Variants in TRAF3 observed in about 807,000 individuals in gnomAD.
The protein encoded by TRAF3 is TNF receptor-associated factor 3.
In TRAF3, 13 loss-of-function variants were observed where a neutral mutation model predicts 62.3. The ratio of observed to expected loss-of-function variants is 0.21; its 90% CI spans 0.14 to 0.33. The LOEUF is 0.33. Ranked by LOEUF, TRAF3 falls within the 10% of genes least tolerant of loss-of-function variation. TRAF3 has a pLI of 1.00. For missense variants in TRAF3, 440 were observed against 741.8 expected, an observed-to-expected ratio of 0.59 and a Z score of 4.73; for synonymous variants, 269 against 283.4, an observed-to-expected ratio of 0.95 and a Z score of 0.51.
chr14:102,804,694 C>T (rs962377326), intron 1 of TRAF3, among the ~76,000 whole-genome samples: 6 of 152,054 alleles, frequency 3.9e-5, no homozygotes, highest in African/African-American at 1.4e-4. Flanking sequence ...GCTATATCGC[C>T]CAGGCTGGTC....
chr14:102,863,811 T>C (rs1887816826), intron 2 of TRAF3, among the ~76,000 whole-genome samples: 1 of 152,240 alleles, frequency 6.6e-6, no homozygotes. Context: ...CTTTCCCTAG[T>C]AGATGCCTCA....
At position 102,867,158 on chromosome 14, in the gene TRAF3, T is replaced by C. The variant is rs557699543; in HGVS notation, c.-17-3027T>C. The stretch of plus-strand genomic sequence containing the variant: ...GGCACTCATTTACAAAACTGGCCTT[T>C]CGTACAACCTACACACCAGCGACTC... On this transcript the variant is annotated intron_variant, in intron 2 of 11. Transcript: ENST00000392745. Among the ~76,000 whole-genome samples the C allele has an allele frequency of 1.7e-3, 262 of 152,282 alleles. 1 individual carries two copies. The highest frequency in any genetic ancestry group is 6.2e-3 in the African/African-American group (257 of 41,542).
At chr14:102,887,465 C>G (rs1267354023) in intron 7 of TRAF3, among the ~76,000 whole-genome samples, 1 of 152,246 alleles carries the variant, frequency 6.6e-6, no homozygotes, top group Non-Finnish European at 1.5e-5. Context: ...AGGGCAAAGT[C>G]TTGCCTGATG....
chr14:102,894,357 T>G (rs1434845558), intron 9 of TRAF3, among the ~76,000 whole-genome samples: 1 of 152,086 alleles, frequency 6.6e-6, no homozygotes, highest in Non-Finnish European at 1.5e-5. Context: ...ACATTCATAG[T>G]CAAACTAAAG....
At chr14:102,794,002 AT>A (rs1259372319) in intron 1 of TRAF3, among the ~76,000 whole-genome samples, 1 of 152,036 alleles carries the variant, frequency 6.6e-6, no homozygotes, top group Non-Finnish European at 1.5e-5. Flanking sequence ...CCGTACACAC[AT>A]GCTTGGATGG....
Position 102,848,338 on chromosome 14 carries a change from C to T in TRAF3, c.-18+17866C>T, listed in dbSNP as rs574883896. The stretch of plus-strand genomic sequence containing the variant: ...CAGCTACATGGGAGGCTGAGGCAGG[C>T]GGATCACTTGAGCCCAGGAGTTCCA... On this transcript the variant is annotated intron_variant, in intron 2 of 11. Coordinates refer to ENST00000392745, the MANE Select transcript of TRAF3 (RefSeq NM_145725.3). Among the ~76,000 whole-genome samples the T allele has an allele frequency of 2.1e-4, 32 of 152,172 alleles. No individual in the cohort carries two copies. The South Asian group carries it at 6.2e-3, about 30-fold the overall frequency.
At chr14:102,795,180 C>G (rs1302629211) in intron 1 of TRAF3, among the ~76,000 whole-genome samples, 9 of 152,162 alleles carry the variant, frequency 5.9e-5, no homozygotes, top group East Asian at 1.9e-4. Context: ...TGGATGTGCT[C>G]TCACATAGAA....
intron 2 of TRAF3, among the ~76,000 whole-genome samples, chr14:102,843,743 G>A (rs1450318116): frequency 6.6e-6 from 1 of 152,172 alleles, no homozygotes; most frequent in Non-Finnish European, 1.5e-5. Context: ...GGGAGTTTGA[G>A]GCTACAGTGA....
intron 1 of TRAF3, among the ~76,000 whole-genome samples, chr14:102,781,544 C>T (rs2140050763): frequency 6.6e-6 from 1 of 152,254 alleles, no homozygotes; most frequent in South Asian, 2.1e-4. Flanking sequence ...CCTGTGGTCC[C>T]AGTTACTCCA....
chr14:102,809,529 C>CTT (rs60882875), intron 1 of TRAF3, among the ~76,000 whole-genome samples: 81 of 114,892 alleles, frequency 7.1e-4, no homozygotes, highest in Non-Finnish European at 1.0e-3. Flanking sequence ...ACAGCATAGA[C>CTT]TTTTTTTTTT....
chr14:102,862,139 T>C (rs1203912315), intron 2 of TRAF3, among the ~76,000 whole-genome samples: 3 of 152,242 alleles, frequency 2.0e-5, no homozygotes. Flanking sequence ...TTCAGGGTCA[T>C]TAAAGATTTA....
chr14:102,779,631 C>T (rs1027796531), intron 1 of TRAF3, among the ~76,000 whole-genome samples: 1 of 152,186 alleles, frequency 6.6e-6, no homozygotes, highest in South Asian at 2.1e-4. Context: ...TGTCAGGATA[C>T]GTATGCTAAT....
chr14:102,872,323 G>A (rs1316164000), intron 4 of TRAF3, among the ~76,000 whole-genome samples: 1 of 152,204 alleles, frequency 6.6e-6, no homozygotes, highest in Non-Finnish European at 1.5e-5. Context: ...GGTCACTTCC[G>A]TCATTGCAGG....
chr14:102,856,257 A>G (rs899538662), intron 2 of TRAF3, among the ~76,000 whole-genome samples: 1 of 152,178 alleles, frequency 6.6e-6, no homozygotes, highest in Non-Finnish European at 1.5e-5. Context: ...GCCCATTGCC[A>G]CTCAGCTGCT....
chr14:102,822,211 A>G (rs1855584454), intron 1 of TRAF3, among the ~76,000 whole-genome samples: 1 of 152,222 alleles, frequency 6.6e-6, no homozygotes, highest in African/African-American at 2.4e-5. Flanking sequence ...TTCCACAGAA[A>G]TATGTTATTC....
chr14:102,779,033 C>A (rs1283146445), intron 1 of TRAF3, among the ~76,000 whole-genome samples: 1 of 152,184 alleles, frequency 6.6e-6, no homozygotes, highest in African/African-American at 2.4e-5. Flanking sequence ...TTGGCCAAAA[C>A]AAGATAAGCC....
At chr14:102,858,779 A>T (rs958507019) in intron 2 of TRAF3, among the ~76,000 whole-genome samples, 5 of 152,232 alleles carry the variant, frequency 3.3e-5, no homozygotes, top group African/African-American at 1.2e-4. Flanking sequence ...AGGTCAAAGA[A>T]AGCCAAACAC....
rs1393963631 is a variant in TRAF3, at chr14:102,777,673, G to T, written c.-159G>T. 1.4e-5 allele frequency: 2 copies of T among 144,396 alleles called. No homozygotes were observed. Among genetic ancestry groups the T allele is most frequent in the Non-Finnish European group, 1.5e-5 (1 of 65,096 alleles). The allele number at this position is 144,396 out of a possible 1,614,324, so 8.9% of individuals were successfully genotyped here. A position where few individuals can be genotyped will look rare whatever the true frequency, so the allele number is the denominator to read the frequency against. ...AGCCGGCCGAGCGGCGACGGACCGC[G>T]AGGTAAGGGGCCGCGGCGGGCGGGC... On this transcript the variant is annotated splice_region_variant and 5_prime_UTR_variant, in exon 1 of 12. Coordinates refer to ENST00000392745, the MANE Select transcript of TRAF3 (RefSeq NM_145725.3).
chr14:102,789,491 T>C (rs1168888825), intron 1 of TRAF3, among the ~76,000 whole-genome samples: 1 of 152,138 alleles, frequency 6.6e-6, no homozygotes, highest in Non-Finnish European at 1.5e-5. Context: ...TTCTTTTTCA[T>C]GTCATATGGG....
Sources: gnomAD v4.1 joint callset for allele counts (sites outside exome capture counted in the v4.1 genomes callset) on GRCh38, gnomAD v4.1.1 for gene constraint, MANE v1.5 for transcripts, NCBI Gene and HGNC (gene_info 2026-07-23, HGNC 2026-07-21) for gene names.